FER1L6: variants seen among roughly 807,000 people sequenced by gnomAD.
The protein encoded by FER1L6 is fer-1-like protein 6.
Under a neutral mutation model 219.2 loss-of-function variants are expected in FER1L6, and 177 were observed. The observed-to-expected ratio is 0.81, with a 90% confidence interval of 0.71 to 0.91. FER1L6 has a LOEUF of 0.91. FER1L6 is among the 40% of genes least tolerant of loss of function. The probability of loss-of-function intolerance (pLI) is 0.00; values close to 1 mark genes in which losing one functional copy is unlikely to be tolerated. For missense variants in FER1L6, 2,153 were observed against 2,259.9 expected, an observed-to-expected ratio of 0.95 and a Z score of 0.96; for synonymous variants, 768 against 824.3, an observed-to-expected ratio of 0.93 and a Z score of 1.17.
intron 25 of FER1L6, among the ~76,000 whole-genome samples, chr8:124,063,884 G>T (rs1231588286): frequency 6.6e-6 from 1 of 152,146 alleles, no homozygotes; most frequent in Non-Finnish European, 1.5e-5. Flanking sequence ...AGAATCTCAT[G>T]AACTCTGGAC....
intron 16 of FER1L6, among the ~76,000 whole-genome samples, 185 bp from the exon 17 acceptor site, chr8:124,021,365 A>G (rs1178934755): frequency 6.6e-6 from 1 of 152,078 alleles, no homozygotes; most frequent in Admixed American, 6.5e-5. Context: ...AGATGATATT[A>G]CAGCCTCCAT....
intron 7 of FER1L6, 38 bp from the exon 8 acceptor site, chr8:123,975,112 A>C (rs764477764): frequency 6.6e-7 from 1 of 1,517,346 alleles, no homozygotes; most frequent in South Asian, 1.3e-5. Context: ...TGCTGGGCCC[A>C]TCTGTGAAGG....
At chr8:124,005,488 G>A (rs1426001204) in intron 13 of FER1L6, among the ~76,000 whole-genome samples, 1 of 152,144 alleles carries the variant, frequency 6.6e-6, no homozygotes, top group Non-Finnish European at 1.5e-5. Context: ...GAACTGCTAG[G>A]TTCAAGACAA....
At chr8:123,970,141 C>A in intron 6 of FER1L6, 44 bp downstream of exon 6, 1 of 1,551,618 alleles carries the variant, frequency 6.4e-7, no homozygotes. Flanking sequence ...AGGTGGGAGA[C>A]ATTTTGGGCA....
intron 1 of FER1L6, among the ~76,000 whole-genome samples, chr8:123,858,104 C>A (rs1402893673): frequency 3.9e-5 from 6 of 152,180 alleles, no homozygotes; most frequent in Admixed American, 1.3e-4. Flanking sequence ...GCTCCCCACT[C>A]TTCTCTGGCG....
chr8:123,859,257 T>C (rs1816702508), intron 1 of FER1L6, among the ~76,000 whole-genome samples: 1 of 152,244 alleles, frequency 6.6e-6, no homozygotes, highest in Non-Finnish European at 1.5e-5. Flanking sequence ...TGCCTTGGCT[T>C]CCCAAAGTGC....
At chr8:123,968,307 T>A (rs1026287627) in intron 5 of FER1L6, among the ~76,000 whole-genome samples, 8 of 152,136 alleles carry the variant, frequency 5.3e-5, no homozygotes, top group Non-Finnish European at 8.8e-5. Flanking sequence ...GTGTAACCGG[T>A]AGAAAAATCA....
In FER1L6 at chr8:123,903,015, A is replaced by AGTTT. The variant is rs538009475; in HGVS notation, c.-8+50837_-8+50840dup. 1.9e-3 allele frequency among the ~76,000 whole-genome samples: 289 copies of AGTTT among 152,116 alleles called. 10 individuals carry two copies. Among genetic ancestry groups the AGTTT allele is most frequent in the Non-Finnish European group, 1.6e-4 (11 of 67,998 alleles). ...GTTTGGTAATGGCAAATTCTCTCAG[A>AGTTT]GTTTGTTTGTCTGAAAAAGACTATC... On this transcript the variant is annotated intron_variant, in intron 1 of 40. Coordinates refer to ENST00000522917, the MANE Select transcript of FER1L6 (RefSeq NM_001039112.2).
At chr8:124,097,471 C>G (rs540379377) in intron 36 of FER1L6, 112 bp downstream of exon 36, 548 of 781,358 alleles carry the variant, frequency 7.0e-4, no homozygotes, top group African/African-American at 7.0e-3. Flanking sequence ...ACCTCACTAT[C>G]CACCCGGCCA....
intron 1 of FER1L6, among the ~76,000 whole-genome samples, chr8:123,933,782 C>T (rs768572252): frequency 1.1e-4 from 17 of 152,124 alleles, no homozygotes; most frequent in African/African-American, 2.7e-4. Context: ...AAATCCTATC[C>T]GGTTTCACCA....
At position 123,859,740 on chromosome 8, in the gene FER1L6, C is replaced by G. The variant is rs1448761479; in HGVS notation, c.-8+7555C>G. On this transcript the variant is annotated intron_variant, in intron 1 of 40. Transcript: ENST00000522917. ...ACAACAGTCCCCAGAGTGTGATATTCCCCTTCCTGTGTCCATGTGATCTCA... is the reference window on the plus strand; with the variant it reads ...ACAACAGTCCCCAGAGTGTGATATTGCCCTTCCTGTGTCCATGTGATCTCA... Among the ~76,000 whole-genome samples the G allele has an allele frequency of 7.3e-4, 91 of 124,388 alleles. 1 individual carries two copies. The highest frequency in any genetic ancestry group is 4.0e-3 in the Middle Eastern group (1 of 250). 81.6% of individuals were successfully genotyped at this position (124,388 alleles called of 152,430 possible).
chr8:123,920,004 C>G (rs1813311980), intron 1 of FER1L6, among the ~76,000 whole-genome samples: 1 of 152,200 alleles, frequency 6.6e-6, no homozygotes, highest in Non-Finnish European at 1.5e-5. Flanking sequence ...TGTACACTGT[C>G]CCATCATACT....
intron 16 of FER1L6, among the ~76,000 whole-genome samples, chr8:124,019,464 T>C (rs1425059036): frequency 6.6e-6 from 1 of 152,246 alleles, no homozygotes; most frequent in Non-Finnish European, 1.5e-5. Context: ...TGTCAATGTC[T>C]CAGGAAAATA....
At chr8:124,044,000 C>T (rs1468155472) in intron 20 of FER1L6, among the ~76,000 whole-genome samples, 2 of 152,166 alleles carry the variant, frequency 1.3e-5, no homozygotes, top group African/African-American at 4.8e-5. Flanking sequence ...GGTCCTGAAT[C>T]CTATATTTAT....
intron 29 of FER1L6, 91 bp downstream of exon 29, chr8:124,069,566 C>CT (rs1177418760): frequency 2.1e-5 from 18 of 853,524 alleles, no homozygotes; most frequent in Non-Finnish European, 3.2e-5. Context: ...CTAGTCATGC[C>CT]TTTGTTTGAT....
At chr8:123,919,800 C>T (rs919367614) in intron 1 of FER1L6, among the ~76,000 whole-genome samples, 4 of 152,134 alleles carry the variant, frequency 2.6e-5, no homozygotes, top group Non-Finnish European at 5.9e-5. Context: ...CATAGGTACC[C>T]GGAGCTCCCC....
At chr8:124,031,239 A>C (rs1301307407) in intron 18 of FER1L6, among the ~76,000 whole-genome samples, 6 of 152,170 alleles carry the variant, frequency 3.9e-5, no homozygotes, top group Admixed American at 2.6e-4. Context: ...GAAAAGGCAT[A>C]CAAATTTATT....
At chr8:123,948,827 A>T (rs1364576684) in intron 1 of FER1L6, among the ~76,000 whole-genome samples, 1 of 151,596 alleles carries the variant, frequency 6.6e-6, no homozygotes, top group Non-Finnish European at 1.5e-5. Flanking sequence ...ATGATATGAT[A>T]TGATATATGA....
intron 1 of FER1L6, among the ~76,000 whole-genome samples, chr8:123,875,192 C>T (rs1319610033): frequency 1.3e-5 from 2 of 151,210 alleles, no homozygotes; most frequent in Admixed American, 6.6e-5. Context: ...GAGACTCAGT[C>T]TAAAAAAAAA....
Sources: allele counts gnomAD v4.1 joint callset (sites outside exome capture counted in the v4.1 genomes callset), GRCh38; gene constraint gnomAD v4.1.1; transcripts MANE v1.5; gene names NCBI Gene and HGNC (gene_info 2026-07-23, HGNC 2026-07-21).